The following VPS13B variants were observed in gnomAD, a reference collection of about 807,000 sequenced individuals.
The protein encoded by VPS13B is intermembrane lipid transfer protein VPS13B.
A neutral mutation model predicts 426.4 loss-of-function variants in VPS13B; 285 were observed. The observed-to-expected ratio is 0.67, with a 90% confidence interval of 0.61 to 0.74. The LOEUF is 0.74. VPS13B is among the 30% of genes least tolerant of loss of function. The probability of loss-of-function intolerance (pLI) is 0.00; values close to 1 mark genes in which losing one functional copy is unlikely to be tolerated. For missense variants in VPS13B, 4,537 were observed against 4,782.6 expected, an observed-to-expected ratio of 0.95 and a Z score of 1.51; for synonymous variants, 1,676 against 1,676.4, an observed-to-expected ratio of 1.00 and a Z score of 0.01.
chr8:99,571,764 C>G (rs1299700215), intron 31 of VPS13B, among the ~76,000 whole-genome samples: 1 of 152,184 alleles, frequency 6.6e-6, no homozygotes, highest in Non-Finnish European at 1.5e-5. Flanking sequence ...ATTATGATGT[C>G]TCTCAGGATC....
At chr8:99,238,737 G>A (rs1010041698) in intron 17 of VPS13B, among the ~76,000 whole-genome samples, 2 of 151,896 alleles carry the variant, frequency 1.3e-5, no homozygotes, top group South Asian at 2.1e-4. Context: ...ATAGCATTAC[G>A]TGCAAAACAT....
At chr8:99,262,636 C>G (rs1818104027) in intron 17 of VPS13B, among the ~76,000 whole-genome samples, 1 of 152,152 alleles carries the variant, frequency 6.6e-6, no homozygotes, top group African/African-American at 2.4e-5. Flanking sequence ...TCTTGACTAT[C>G]TCTTTAATGC....
At chr8:99,861,996 T>C (rs745673740) in intron 58 of VPS13B, 50 bp downstream of exon 58, 6 of 1,534,634 alleles carry the variant, frequency 3.9e-6, no homozygotes, top group South Asian at 1.2e-5. Flanking sequence ...CAGGCTGAGA[T>C]GCAGGGTCTC....
At position 99,871,744 on chromosome 8, in the gene VPS13B, T is replaced by A. The variant is rs747085838; in HGVS notation, c.11745+47T>A. ...AACCAAGACTAGCTGGCCAGGGAGGTTGAGGAGCAGGCTGGTCACTGGTAC... is the reference window on the plus strand; with the variant it reads ...AACCAAGACTAGCTGGCCAGGGAGGATGAGGAGCAGGCTGGTCACTGGTAC... On this transcript the variant is annotated intron_variant, in intron 61 of 61. Transcript: ENST00000357162. The A allele has an allele frequency of 1.9e-6, 3 of 1,610,484 alleles. No individual in the cohort carries two copies. The African/African-American group carries it at 4.0e-5, about 22-fold the overall frequency.
intron 39 of VPS13B, among the ~76,000 whole-genome samples, chr8:99,749,738 T>C (rs1305403598): frequency 6.6e-6 from 1 of 152,112 alleles, no homozygotes; most frequent in Non-Finnish European, 1.5e-5. Flanking sequence ...ATGATTTCCT[T>C]TCTTTTTGTT....
chr8:99,336,645 T>A (rs1296977057), intron 19 of VPS13B, among the ~76,000 whole-genome samples: 1 of 151,980 alleles, frequency 6.6e-6, no homozygotes, highest in Non-Finnish European at 1.5e-5. Flanking sequence ...GAATCTACAA[T>A]GAACTCAAAC....
chr8:99,832,799 T>C (rs1815154694), intron 52 of VPS13B, 147 bp downstream of exon 52: 2 of 824,618 alleles, frequency 2.4e-6, no homozygotes, highest in African/African-American at 3.4e-5. Context: ...TTGTATACAG[T>C]GGGTCAAGTG....
intron 33 of VPS13B, among the ~76,000 whole-genome samples, chr8:99,588,518 G>A (rs1007041972): frequency 6.6e-6 from 1 of 151,596 alleles, no homozygotes; most frequent in Non-Finnish European, 1.5e-5. Flanking sequence ...AGTTCTGCTT[G>A]AAGAGGTCCT....
chr8:99,109,847 CAGATA>C (rs1171020133), intron 5 of VPS13B, among the ~76,000 whole-genome samples: 7 of 152,142 alleles, frequency 4.6e-5, no homozygotes, highest in African/African-American at 1.7e-4. Flanking sequence ...TAAATATTGT[CAGATA>C]AGAGATGTAA....
At chr8:99,080,245 T>G (rs1462288491) in intron 3 of VPS13B, among the ~76,000 whole-genome samples, 2 of 151,968 alleles carry the variant, frequency 1.3e-5, no homozygotes, top group Non-Finnish European at 2.9e-5. Flanking sequence ...ATTTTTGTCT[T>G]AATGAAGTTG....
At chr8:99,814,145 T>C (rs1813883504) in intron 44 of VPS13B, among the ~76,000 whole-genome samples, 1 of 152,028 alleles carries the variant, frequency 6.6e-6, no homozygotes, top group African/African-American at 2.4e-5. Flanking sequence ...CATCTAAAAA[T>C]AGTGATAATA....
chr8:99,473,330 A>T lies in VPS13B; in HGVS notation c.3666+5696A>T, dbSNP rs73702017. On this transcript the variant is annotated intron_variant, in intron 24 of 61. Transcript: ENST00000357162. ...ATATTATACGTAATGGCCAACTAGG[A>T]ATTATCTTAAAAATGCAAGTTTGGT... Among the ~76,000 whole-genome samples, 641 of 152,212 alleles carry T rather than the reference A, an allele frequency of 4.2e-3. 5 individuals are homozygous for T. The highest frequency in any genetic ancestry group is 0.014 in the African/African-American group (597 of 41,570).
intron 16 of VPS13B, among the ~76,000 whole-genome samples, chr8:99,186,063 A>G (rs1042437931): frequency 1.3e-5 from 2 of 152,096 alleles, no homozygotes; most frequent in Non-Finnish European, 2.9e-5. Context: ...ATTTTTCCCT[A>G]GAGAGTAATG....
At chr8:99,140,439 T>C (rs193206831) in intron 12 of VPS13B, among the ~76,000 whole-genome samples, 1 of 152,058 alleles carries the variant, frequency 6.6e-6, no homozygotes, top group East Asian at 1.9e-4. Context: ...ATTTTTCTTG[T>C]AATAAATGAT....
intron 51 of VPS13B, among the ~76,000 whole-genome samples, chr8:99,831,353 G>C (rs546513682): frequency 1.1e-4 from 17 of 152,182 alleles, no homozygotes; most frequent in Non-Finnish European, 1.6e-4. Context: ...TTACAGACAT[G>C]AGCCACTGGT....
At chr8:99,148,356 C>A (rs1810859700) in intron 14 of VPS13B, among the ~76,000 whole-genome samples, 2 of 146,244 alleles carry the variant, frequency 1.4e-5, no homozygotes, top group Admixed American at 6.8e-5. Context: ...ACAGTGTGAC[C>A]CTGTCTCAAA....
At chr8:99,424,101 G>T (rs540606977) in intron 21 of VPS13B, among the ~76,000 whole-genome samples, 84 of 152,206 alleles carry the variant, frequency 5.5e-4, no homozygotes, top group Non-Finnish European at 1.0e-3. Flanking sequence ...CCTGTATTGG[G>T]TGCATATATA....
At chr8:99,238,289 T>C (rs555986660) in intron 17 of VPS13B, among the ~76,000 whole-genome samples, 1 of 152,186 alleles carries the variant, frequency 6.6e-6, no homozygotes, top group Non-Finnish European at 1.5e-5. Flanking sequence ...ATGTCTTTAG[T>C]TAATAAGCAC....
At chr8:99,296,133 T>C (rs2097390648) in intron 19 of VPS13B, among the ~76,000 whole-genome samples, 1 of 152,230 alleles carries the variant, frequency 6.6e-6, no homozygotes, top group Admixed American at 6.5e-5. Context: ...CCATTGTAAG[T>C]TGGGGACCAT....
Sources: allele counts gnomAD v4.1 joint callset (sites outside exome capture counted in the v4.1 genomes callset), GRCh38; gene constraint gnomAD v4.1.1; transcripts MANE v1.5; gene names NCBI Gene and HGNC (gene_info 2026-07-23, HGNC 2026-07-21).